Variants in RBFOX1 observed in about 807,000 individuals in gnomAD.
RBFOX1 encodes RNA binding fox-1 homolog 1.
RBFOX1 carries 8 observed loss-of-function variants against 57.7 expected under a neutral mutation model. The observed-to-expected ratio is 0.14, with a 90% CI of 0.08 to 0.25. The LOEUF (loss-of-function observed/expected upper bound fraction) is 0.25. Ranked by LOEUF, RBFOX1 falls within the 10% of genes least tolerant of loss-of-function variation. The probability of loss-of-function intolerance (pLI) is 1.00; values close to 1 mark genes in which losing one functional copy is unlikely to be tolerated. For missense variants in RBFOX1, 611 were observed against 548.5 expected (o/e 1.11, Z -1.14); for synonymous variants, 326 against 222.4 (o/e 1.47, Z -4.15).
chr16:6,612,863 A>AAAATAATAAT (rs59339311), intron 2 of RBFOX1, among the ~76,000 whole-genome samples: 2 of 132,242 alleles, frequency 1.5e-5, no homozygotes, highest in African/African-American at 2.9e-5. Context: ...AAAAAAAAAA[A>AAAATAATAAT]AATAATAATA....
intron 1 of RBFOX1, among the ~76,000 whole-genome samples, chr16:5,302,862 C>T (rs34075071): frequency 0.017 from 2,660 of 152,128 alleles, 64 homozygotes; most frequent in African/African-American, 0.06. Flanking sequence ...TATAGTTAAT[C>T]TTGCTTTTTT....
At chr16:6,130,481 A>G (rs2096621898) in intron 1 of RBFOX1, among the ~76,000 whole-genome samples, 1 of 152,188 alleles carries the variant, frequency 6.6e-6, no homozygotes. Context: ...AAAATGAAAC[A>G]TATGGATGTG....
intron 4 of RBFOX1, among the ~76,000 whole-genome samples, chr16:7,441,512 GTTTCTCTCCTACTATAATATC>G (rs2098766589): frequency 6.6e-6 from 1 of 152,070 alleles, no homozygotes; most frequent in South Asian, 2.1e-4. Context: ...ACTGGTATCT[GTTTCTCTCCTACTATAATATC>G]TTTTTCACGT....
intron 4 of RBFOX1, among the ~76,000 whole-genome samples, chr16:7,145,947 C>G (rs927716690): frequency 4.6e-5 from 7 of 152,160 alleles, no homozygotes; most frequent in African/African-American, 1.7e-4. Flanking sequence ...CAGGTGCACC[C>G]TCCTTCACTA....
At chr16:6,648,619 A>T (rs1054224179) in intron 2 of RBFOX1, among the ~76,000 whole-genome samples, 2 of 152,120 alleles carry the variant, frequency 1.3e-5, no homozygotes, top group South Asian at 4.1e-4. Flanking sequence ...GGTAGCATGC[A>T]TCGACGGGCC....
At chr16:7,292,011 A>G (rs201029780) in intron 4 of RBFOX1, among the ~76,000 whole-genome samples, 2,146 of 108,248 alleles carry the variant, frequency 0.02, 40 homozygotes, top group Non-Finnish European at 0.027. Context: ...TATGTATTAT[A>G]TATTGTATAT....
intron 4 of RBFOX1, among the ~76,000 whole-genome samples, chr16:5,943,015 A>G (rs1182399025): frequency 6.6e-6 from 1 of 152,160 alleles, no homozygotes; most frequent in Non-Finnish European, 1.5e-5. Flanking sequence ...TGCACTGACC[A>G]CAAGCTCAGT....
chr16:5,901,150 T>A (rs140234126), intron 4 of RBFOX1, among the ~76,000 whole-genome samples: 2 of 152,292 alleles, frequency 1.3e-5, no homozygotes, highest in African/African-American at 4.8e-5. Flanking sequence ...AGCAGCCCAG[T>A]CATGTTCGTC....
intron 1 of RBFOX1, among the ~76,000 whole-genome samples, chr16:5,401,617 C>G (rs955040895): frequency 1.3e-5 from 2 of 152,190 alleles, no homozygotes; most frequent in African/African-American, 4.8e-5. Context: ...CTGGCATAAA[C>G]TATAAGTTTA....
chr16:6,905,993 T>C (rs2153422105), intron 3 of RBFOX1, among the ~76,000 whole-genome samples: 1 of 152,344 alleles, frequency 6.6e-6, no homozygotes, highest in South Asian at 2.1e-4. Flanking sequence ...TCTGCAGCAT[T>C]CTGAAGAAAT....
At chr16:6,743,991 G>C (rs1427554310) in intron 3 of RBFOX1, among the ~76,000 whole-genome samples, 3 of 151,704 alleles carry the variant, frequency 2.0e-5, no homozygotes, top group African/African-American at 7.3e-5. Flanking sequence ...TATAAAGCAA[G>C]TGGTGTGTTC....
chr16:7,508,451 C>A (rs114074043), intron 4 of RBFOX1, among the ~76,000 whole-genome samples: 2 of 152,134 alleles, frequency 1.3e-5, no homozygotes, highest in African/African-American at 4.8e-5. Flanking sequence ...TGGCTGCTGT[C>A]CTCGCATACT....
rs551223142 is a variant in RBFOX1 at position 7,002,443 on chromosome 16, G to A, written c.-15-49614G>A. On this transcript the variant is annotated intron_variant, in intron 3 of 15. Coordinates refer to ENST00000550418, the MANE Select transcript of RBFOX1 (RefSeq NM_018723.4). ...CTTTTCAACTATTTTCGCTGGGCGC[G>A]ATGGCTCATGTCTGTAATTCCAGCA... Among the ~76,000 whole-genome samples, 161 of 152,330 alleles carry A rather than the reference G, an allele frequency of 1.1e-3. 2 individuals carry two copies. Among genetic ancestry groups the A allele is most frequent in the African/African-American group, 3.7e-3 (155 of 41,578 alleles).
intron 3 of RBFOX1, among the ~76,000 whole-genome samples, chr16:7,029,063 T>TATAA (rs1420724061): frequency 3.7e-4 from 12 of 32,662 alleles, no homozygotes; most frequent in Non-Finnish European, 5.7e-4. Context: ...TATATATATA[T>TATAA]ATATATATAT....
intron 3 of RBFOX1, among the ~76,000 whole-genome samples, chr16:6,940,512 C>G (rs1378996504): frequency 6.6e-6 from 1 of 152,154 alleles, no homozygotes; most frequent in Non-Finnish European, 1.5e-5. Context: ...AAGAATAATT[C>G]TCTATACTTT....
intron 1 of RBFOX1, among the ~76,000 whole-genome samples, chr16:5,312,441 C>G (rs573495861): frequency 1.0e-3 from 154 of 152,326 alleles, no homozygotes; most frequent in Middle Eastern, 3.4e-3. Context: ...GCCTCAGCCT[C>G]CTGAGTAGCT....
chr16:6,579,551 C>G (rs1423574363), intron 2 of RBFOX1, among the ~76,000 whole-genome samples: 1 of 152,096 alleles, frequency 6.6e-6, no homozygotes, highest in African/African-American at 2.4e-5. Context: ...CGGGCTTTTC[C>G]TCCTTTGCTC....
intron 1 of RBFOX1, among the ~76,000 whole-genome samples, chr16:5,422,536 TG>T (rs1310721289): frequency 3.4e-5 from 1 of 29,178 alleles, no homozygotes; most frequent in African/African-American, 1.6e-4. Flanking sequence ...GAAGGGCGCA[TG>T]AGGGGGGCAG....
chr16:7,490,453 A>G (rs1287691899), intron 4 of RBFOX1, among the ~76,000 whole-genome samples: 2 of 152,166 alleles, frequency 1.3e-5, no homozygotes, highest in African/African-American at 2.4e-5. Flanking sequence ...ATAGTTCAAA[A>G]TTTTCCAGCC....
Sources: allele counts gnomAD v4.1 joint callset (sites outside exome capture counted in the v4.1 genomes callset), GRCh38; gene constraint gnomAD v4.1.1; transcripts MANE v1.5; gene names NCBI Gene and HGNC (gene_info 2026-07-23, HGNC 2026-07-21).